STRN: variants seen among roughly 807,000 people sequenced by gnomAD.
STRN encodes the protein protein phosphatase 2 regulatory subunit B'''alpha.
Under a neutral mutation model 96.3 loss-of-function variants are expected in STRN, and 53 were observed. That is an observed-to-expected ratio of 0.55 (90% CI 0.44 to 0.69). The LOEUF is 0.69. STRN is among the 30% of genes least tolerant of loss of function. The pLI is 0.00. For missense variants in STRN, 987 were observed against 963.9 expected (o/e 1.02, Z -0.32); for synonymous variants, 428 against 355.9 (o/e 1.20, Z -2.28).
At chr2:36,947,213 A>G (rs943466031) in intron 1 of STRN, among the ~76,000 whole-genome samples, 1 of 152,122 alleles carries the variant, frequency 6.6e-6, no homozygotes, top group African/African-American at 2.4e-5. Context: ...CATTTTTTTA[A>G]AAGTCAATAT....
intron 8 of STRN, 124 bp from the exon 9 acceptor site, chr2:36,884,199 C>T (rs1669151879): frequency 6.0e-6 from 5 of 836,490 alleles, no homozygotes; most frequent in South Asian, 1.3e-4. Context: ...AAATATTCTA[C>T]TAGATTAATA....
intron 4 of STRN, 84 bp downstream of exon 4, chr2:36,905,456 G>C (rs1294853878): frequency 8.2e-7 from 1 of 1,221,900 alleles, no homozygotes; most frequent in African/African-American, 1.5e-5. Context: ...ATATTCATCT[G>C]ACTTGAAAAT....
At chr2:36,930,804 G>A (rs1421107937) in intron 1 of STRN, among the ~76,000 whole-genome samples, 4 of 152,002 alleles carry the variant, frequency 2.6e-5, no homozygotes, top group Non-Finnish European at 2.9e-5. Flanking sequence ...AGGCCGAGAC[G>A]GGTGGATCAC....
chr2:36,910,350 A>G (rs925254600), intron 3 of STRN, among the ~76,000 whole-genome samples: 4 of 152,192 alleles, frequency 2.6e-5, no homozygotes, highest in Non-Finnish European at 5.9e-5. Context: ...TCATATTAGT[A>G]TTTAAATATC....
At chr2:36,874,188 C>T (rs1018561267) in intron 10 of STRN, among the ~76,000 whole-genome samples, 5 of 151,138 alleles carry the variant, frequency 3.3e-5, no homozygotes, top group African/African-American at 9.7e-5. Flanking sequence ...GGCGTGAACT[C>T]GGTAGGCGGA....
At chr2:36,854,707 C>T (rs1319044299) in intron 15 of STRN, among the ~76,000 whole-genome samples, 1 of 151,806 alleles carries the variant, frequency 6.6e-6, no homozygotes, top group Non-Finnish European at 1.5e-5. Context: ...TTAAGAAAGC[C>T]AAAAACCAAA....
intron 1 of STRN, among the ~76,000 whole-genome samples, chr2:36,946,828 T>A (rs757504609): frequency 1.8e-4 from 27 of 152,232 alleles, no homozygotes; most frequent in Non-Finnish European, 3.5e-4. Context: ...TGTAAAAAAG[T>A]TGATAGTTTC....
intron 13 of STRN, among the ~76,000 whole-genome samples, chr2:36,860,087 T>C (rs190926108): frequency 9.7e-4 from 148 of 152,320 alleles, no homozygotes; most frequent in Middle Eastern, 3.4e-3. Context: ...GAATGGAAGA[T>C]ACCCGAATTT....
chr2:36,958,901 C>T (rs1347750506), intron 1 of STRN, among the ~76,000 whole-genome samples: 1 of 152,208 alleles, frequency 6.6e-6, no homozygotes, highest in East Asian at 1.9e-4. Flanking sequence ...GGGCGGATCA[C>T]GAGGTCAGAT....
intron 13 of STRN, among the ~76,000 whole-genome samples, 165 bp from the exon 14 acceptor site, chr2:36,858,188 T>A (rs888926064): frequency 1.3e-5 from 2 of 152,104 alleles, no homozygotes; most frequent in Non-Finnish European, 2.9e-5. Context: ...CAAAACAAGC[T>A]TGGAAATATA....
intron 1 of STRN, among the ~76,000 whole-genome samples, chr2:36,942,257 A>T (rs1479968151): frequency 6.6e-6 from 1 of 152,176 alleles, no homozygotes; most frequent in Non-Finnish European, 1.5e-5. Context: ...GGACAATGGC[A>T]ATCAAGGATG....
intron 6 of STRN, among the ~76,000 whole-genome samples, chr2:36,895,201 C>A (rs1005002883): frequency 6.6e-6 from 1 of 152,004 alleles, no homozygotes; most frequent in Non-Finnish European, 1.5e-5. Context: ...GTGGCAGGCA[C>A]CTGTAGTCCC....
At chr2:36,929,395 T>A (rs1423083584) in intron 1 of STRN, among the ~76,000 whole-genome samples, 7 of 152,046 alleles carry the variant, frequency 4.6e-5, no homozygotes, top group African/African-American at 4.8e-5. Flanking sequence ...CCCTTTTTTT[T>A]TCTTTTGAGA....
intron 4 of STRN, among the ~76,000 whole-genome samples, chr2:36,903,489 A>G (rs1030245301): frequency 6.6e-6 from 1 of 152,186 alleles, no homozygotes; most frequent in African/African-American, 2.4e-5. Context: ...ACCTACTAAC[A>G]CCAAAGTTGA....
In STRN at chr2:36,839,647, A is replaced by G. The variant is rs1409773719; in HGVS notation, c.*9809T>C. ...AGAAGAGTTGACTTGTCTAAAATCT[A>G]ACAGACAATAAATGTCCTATTGTCC... On this transcript the variant is annotated 3_prime_UTR_variant, in exon 18 of 18. Transcript: ENST00000263918. 6.6e-6 allele frequency among the ~76,000 whole-genome samples: 1 copy of G among 152,204 alleles called. No individual in the cohort carries two copies. Among genetic ancestry groups the G allele is most frequent in the African/African-American group, 2.4e-5 (1 of 41,456 alleles).
In STRN at chr2:36,966,380, C is replaced by T. The variant is rs775254260; in HGVS notation, c.84G>A (p.Ala28=). 23 of 1,459,538 alleles carry T rather than the reference C, an allele frequency of 1.6e-5. 1 individual carries two copies. The highest frequency in any genetic ancestry group is 1.9e-5 in the Non-Finnish European group (21 of 1,108,464). The allele number at this position is 1,459,538 out of a possible 1,614,324, so 90.4% of individuals were successfully genotyped here. ...CCCCGTCGCCGGCCGCGGCAGCCTC[C>T]GCCAGAGGCCCGAGCCCCTTGGCAC... ...AGGAKGLGPL[A]EAAAAGDGAA... The change falls in exon 1 of 18, where the codon GCG becomes GCA. Residue 28 remains alanine, a synonymous_variant. Coordinates refer to ENST00000263918, the MANE Select transcript of STRN (RefSeq NM_003162.4).
Position 36,842,950 on chromosome 2 carries a change from A to G in STRN, c.*6506T>C, listed in dbSNP as rs1249808022. ...TGGGAATATTTTATGTGCCAGGACAATGCTGGGGCCCTGCAAAACATCAGT... is the reference window on the plus strand; with the variant it reads ...TGGGAATATTTTATGTGCCAGGACAGTGCTGGGGCCCTGCAAAACATCAGT... On this transcript the variant is annotated 3_prime_UTR_variant, in exon 18 of 18. Coordinates refer to ENST00000263918, the MANE Select transcript of STRN (RefSeq NM_003162.4). Among the ~76,000 whole-genome samples the G allele has an allele frequency of 6.6e-6, 1 of 152,124 alleles. No individual in the cohort carries two copies. The highest frequency in any genetic ancestry group is 2.4e-5 in the African/African-American group (1 of 41,428).
At chr2:36,957,550 T>G (rs1383701618) in intron 1 of STRN, among the ~76,000 whole-genome samples, 1 of 151,158 alleles carries the variant, frequency 6.6e-6, no homozygotes, top group Non-Finnish European at 1.5e-5. Flanking sequence ...ATCACACCAC[T>G]GCACTCCAGC....
At chr2:36,902,318 G>A (rs1374280884) in intron 5 of STRN, among the ~76,000 whole-genome samples, 1 of 152,002 alleles carries the variant, frequency 6.6e-6, no homozygotes, top group Non-Finnish European at 1.5e-5. Flanking sequence ...AATCTTTTCT[G>A]AAGTTTTATT....
Sources: allele counts gnomAD v4.1 joint callset (sites outside exome capture counted in the v4.1 genomes callset), GRCh38; gene constraint gnomAD v4.1.1; transcripts MANE v1.5; gene names NCBI Gene and HGNC (gene_info 2026-07-23, HGNC 2026-07-21).